Variants in GPC5 observed in about 807,000 individuals in gnomAD.
GPC5 encodes the protein glypican-5.
Under a neutral mutation model 53.9 loss-of-function variants are expected in GPC5, and 47 were observed. The observed-to-expected ratio is 0.87, with a 90% confidence interval of 0.69 to 1.11. GPC5 has a LOEUF of 1.11. GPC5 is among the 50% of genes most tolerant of loss of function. The probability of loss-of-function intolerance (pLI) is 0.00; values close to 1 mark genes in which losing one functional copy is unlikely to be tolerated. For missense variants in GPC5, 748 were observed against 713.1 expected (o/e 1.05, Z -0.56); for synonymous variants, 286 against 263.3 (o/e 1.09, Z -0.84).
At chr13:92,234,428 A>C (rs924783469) in intron 7 of GPC5, among the ~76,000 whole-genome samples, 4 of 151,960 alleles carry the variant, frequency 2.6e-5, no homozygotes, top group African/African-American at 4.8e-5. Flanking sequence ...GGCATTTTTT[A>C]ATGTGTCTTT....
chr13:92,802,714 C>T (rs1428111485), intron 7 of GPC5, among the ~76,000 whole-genome samples: 8 of 151,842 alleles, frequency 5.3e-5, no homozygotes, highest in South Asian at 2.1e-4. Flanking sequence ...AAACAAACAC[C>T]GCATGTTCTC....
At chr13:92,565,311 T>C (rs1205858869) in intron 7 of GPC5, among the ~76,000 whole-genome samples, 1 of 152,124 alleles carries the variant, frequency 6.6e-6, no homozygotes, top group African/African-American at 2.4e-5. Context: ...CTCCAGGCAC[T>C]TTCACCTTGG....
chr13:92,759,099 C>T (rs1325678266), intron 7 of GPC5, among the ~76,000 whole-genome samples: 1 of 144,404 alleles, frequency 6.9e-6, no homozygotes, highest in African/African-American at 2.6e-5. Context: ...CACTGGTCCA[C>T]TGGTCTGTTT....
intron 5 of GPC5, among the ~76,000 whole-genome samples, chr13:91,906,528 G>T (rs761762749): frequency 1.3e-5 from 2 of 151,920 alleles, no homozygotes; most frequent in African/African-American, 2.4e-5. Flanking sequence ...GAAATCTATG[G>T]TTTTTTAAAA....
intron 7 of GPC5, among the ~76,000 whole-genome samples, chr13:92,558,378 GTTA>G (rs1882573849): frequency 2.6e-5 from 4 of 151,980 alleles, no homozygotes; most frequent in Admixed American, 2.6e-4. Context: ...CTCAGAGATA[GTTA>G]TTTTGTAATT....
chr13:91,967,158 G>A lies in GPC5; in HGVS notation c.1401+59101G>A, dbSNP rs1371178571. 4.6e-5 allele frequency among the ~76,000 whole-genome samples: 7 copies of A among 152,232 alleles called. No individual in the cohort carries two copies. In the East Asian group the frequency reaches 1.4e-3, roughly 29 times the overall value. ...GTGGCAGACAAGAGTGAATGAGAGA[G>A]AACCAAGTGAAAGGGGTTTCCCTTT... On this transcript the variant is annotated intron_variant, in intron 6 of 7. Coordinates refer to ENST00000377067, the MANE Select transcript of GPC5 (RefSeq NM_004466.6).
chr13:92,340,194 T>C (rs939110116), intron 7 of GPC5, among the ~76,000 whole-genome samples: 1 of 152,080 alleles, frequency 6.6e-6, no homozygotes, highest in Non-Finnish European at 1.5e-5. Context: ...CATAGTAAAG[T>C]TGTATGAAAA....
chr13:92,740,299 A>T (rs1263013119), intron 7 of GPC5, among the ~76,000 whole-genome samples: 1 of 151,986 alleles, frequency 6.6e-6, no homozygotes, highest in Non-Finnish European at 1.5e-5. Flanking sequence ...GGCACTTCCT[A>T]TTATTCTGTC....
At chr13:91,804,079 G>C (rs911010272) in intron 5 of GPC5, among the ~76,000 whole-genome samples, 10 of 152,094 alleles carry the variant, frequency 6.6e-5, no homozygotes, top group African/African-American at 2.4e-4. Context: ...AAACAGAAGA[G>C]AGATGAAGAT....
At chr13:91,501,587 G>A (rs1231879024) in intron 2 of GPC5, among the ~76,000 whole-genome samples, 1 of 152,046 alleles carries the variant, frequency 6.6e-6, no homozygotes, top group Non-Finnish European at 1.5e-5. Context: ...ATCCTTTTCT[G>A]TGGCTGCATA....
intron 6 of GPC5, among the ~76,000 whole-genome samples, chr13:92,037,345 C>T (rs1404005335): frequency 6.6e-6 from 1 of 152,124 alleles, no homozygotes; most frequent in Admixed American, 6.5e-5. Flanking sequence ...AAAACTATTT[C>T]CCTCAGCTAT....
intron 5 of GPC5, among the ~76,000 whole-genome samples, chr13:91,817,832 C>A (rs1288887977): frequency 6.6e-6 from 1 of 152,070 alleles, no homozygotes; most frequent in East Asian, 1.9e-4. Flanking sequence ...TGATAAAGAA[C>A]TTTTCGTACA....
chr13:91,615,502 A>G (rs2033671609), intron 2 of GPC5, among the ~76,000 whole-genome samples: 1 of 152,192 alleles, frequency 6.6e-6, no homozygotes, highest in Non-Finnish European at 1.5e-5. Flanking sequence ...ATATGAGCAG[A>G]CAGAAAGGAG....
chr13:92,596,336 T>C (rs1048058487), intron 7 of GPC5, among the ~76,000 whole-genome samples: 4 of 152,118 alleles, frequency 2.6e-5, no homozygotes, highest in South Asian at 2.1e-4. Context: ...TAAAACACCG[T>C]GTTTAAATAT....
At chr13:91,916,747 T>C (rs1439174858) in intron 6 of GPC5, among the ~76,000 whole-genome samples, 2 of 152,134 alleles carry the variant, frequency 1.3e-5, no homozygotes, top group Non-Finnish European at 2.9e-5. Flanking sequence ...TTCACAGAGC[T>C]GCAGGAGAGA....
chr13:92,322,575 C>T (rs747569959), intron 7 of GPC5, among the ~76,000 whole-genome samples: 6 of 152,128 alleles, frequency 3.9e-5, no homozygotes, highest in Non-Finnish European at 8.8e-5. Flanking sequence ...CATCTCTTTG[C>T]TATTGTCTAT....
chr13:91,427,209 G>A (rs999137660), intron 1 of GPC5, among the ~76,000 whole-genome samples: 21 of 152,336 alleles, frequency 1.4e-4, no homozygotes, highest in African/African-American at 4.3e-4. Flanking sequence ...GAAGAGGGCT[G>A]CAGTCTTCTA....
intron 7 of GPC5, among the ~76,000 whole-genome samples, chr13:92,273,521 CATT>C (rs1391150037): frequency 6.6e-6 from 1 of 151,698 alleles, no homozygotes; most frequent in African/African-American, 2.4e-5. Flanking sequence ...TAGCAATTGT[CATT>C]ATATTAAAAC....
intron 5 of GPC5, among the ~76,000 whole-genome samples, chr13:91,876,044 T>C (rs1178135514): frequency 6.6e-6 from 1 of 152,186 alleles, no homozygotes; most frequent in Non-Finnish European, 1.5e-5. Context: ...CTGATGGGTT[T>C]ATCAGGGGTT....
Sources: gnomAD v4.1 joint callset for allele counts (sites outside exome capture counted in the v4.1 genomes callset) on GRCh38, gnomAD v4.1.1 for gene constraint, MANE v1.5 for transcripts, NCBI Gene and HGNC (gene_info 2026-07-23, HGNC 2026-07-21) for gene names.